Variants in CSMD1 observed in about 807,000 individuals in gnomAD.
CSMD1 encodes the protein CUB and sushi domain-containing protein 1.
In CSMD1, 213 loss-of-function variants were observed where a neutral mutation model predicts 417.5. The ratio of observed to expected loss-of-function variants is 0.51; its 90% CI spans 0.46 to 0.57. CSMD1 has a LOEUF of 0.57. CSMD1 is among the 20% of genes least tolerant of loss of function. CSMD1 has a pLI of 0.00. For synonymous variants in CSMD1, 2,862 were observed against 1,736.8 expected, an observed-to-expected ratio of 1.65 and a Z score of -16.11; for missense variants, 6,923 against 4,529.7, an observed-to-expected ratio of 1.53 and a Z score of -15.17.
intron 1 of CSMD1, among the ~76,000 whole-genome samples, chr8:4,799,981 C>G (rs900192627): frequency 3.3e-5 from 5 of 150,516 alleles, no homozygotes; most frequent in African/African-American, 9.8e-5. Context: ...CTCATTTTTT[C>G]TAACATAAGA....
At chr8:3,846,507 A>G (rs957916291) in intron 5 of CSMD1, among the ~76,000 whole-genome samples, 4 of 152,214 alleles carry the variant, frequency 2.6e-5, no homozygotes, top group African/African-American at 9.6e-5. Flanking sequence ...TAAGCATAGA[A>G]AGTATTTCAC....
At chr8:4,463,776 G>C (rs1185113803) in intron 2 of CSMD1, among the ~76,000 whole-genome samples, 1 of 152,102 alleles carries the variant, frequency 6.6e-6, no homozygotes, top group East Asian at 1.9e-4. Flanking sequence ...GGTACTAATG[G>C]ATACTGGGTT....
intron 1 of CSMD1, among the ~76,000 whole-genome samples, chr8:4,866,947 A>G (rs1802453365): frequency 6.6e-6 from 1 of 152,014 alleles, no homozygotes; most frequent in East Asian, 1.9e-4. Flanking sequence ...TTTTGCACCA[A>G]CCTATATGGA....
intron 10 of CSMD1, among the ~76,000 whole-genome samples, chr8:3,551,928 T>A (rs1335056296): frequency 1.3e-5 from 2 of 152,148 alleles, no homozygotes; most frequent in East Asian, 3.9e-4. Flanking sequence ...CAGACGTGGT[T>A]TTAGCTACTG....
chr8:3,566,243 G>C (rs559696820), intron 10 of CSMD1, among the ~76,000 whole-genome samples: 2 of 152,104 alleles, frequency 1.3e-5, no homozygotes, highest in Non-Finnish European at 2.9e-5. Context: ...AGAAAAAGGA[G>C]GATGAGGAGG....
chr8:3,715,090 G>C (rs980980815), intron 6 of CSMD1, among the ~76,000 whole-genome samples: 6 of 152,066 alleles, frequency 3.9e-5, no homozygotes, highest in African/African-American at 1.4e-4. Context: ...TTCTTCATTA[G>C]ATTTTTTTGT....
chr8:2,953,725 A>C (rs1465334848), intron 65 of CSMD1, among the ~76,000 whole-genome samples: 1 of 152,254 alleles, frequency 6.6e-6, no homozygotes, highest in Non-Finnish European at 1.5e-5. Flanking sequence ...AAGGTGCCAC[A>C]TACAACAAAA....
intron 3 of CSMD1, among the ~76,000 whole-genome samples, chr8:4,058,174 T>C (rs1386868303): frequency 6.6e-6 from 1 of 152,168 alleles, no homozygotes; most frequent in African/African-American, 2.4e-5. Context: ...GAGCATGGAA[T>C]GTTCTTCCAT....
intron 10 of CSMD1, among the ~76,000 whole-genome samples, chr8:3,546,380 C>A (rs542487571): frequency 6.6e-6 from 1 of 151,686 alleles, no homozygotes; most frequent in South Asian, 2.1e-4. Flanking sequence ...ACTAAAAATA[C>A]AAAAAATTAG....
At chr8:4,768,550 T>G (rs1796437602) in intron 1 of CSMD1, among the ~76,000 whole-genome samples, 1 of 152,220 alleles carries the variant, frequency 6.6e-6, no homozygotes, top group South Asian at 2.1e-4. Context: ...TTGAGCCTCT[T>G]CTGTAGAAAA....
At chr8:4,450,410 C>T (rs1200479439) in intron 2 of CSMD1, among the ~76,000 whole-genome samples, 1 of 152,074 alleles carries the variant, frequency 6.6e-6, no homozygotes, top group Non-Finnish European at 1.5e-5. Flanking sequence ...GGCGGATCAG[C>T]AGGTCAAGAA....
At chr8:4,501,538 T>A (rs1279557514) in intron 2 of CSMD1, among the ~76,000 whole-genome samples, 8 of 152,178 alleles carry the variant, frequency 5.3e-5, no homozygotes, top group Non-Finnish European at 1.0e-4. Context: ...TGGTTTCAGT[T>A]ACCTAAGGTC....
intron 3 of CSMD1, among the ~76,000 whole-genome samples, chr8:4,372,449 C>A (rs921761223): frequency 6.6e-6 from 1 of 151,724 alleles, no homozygotes; most frequent in Non-Finnish European, 1.5e-5. Flanking sequence ...AATTAGTGAA[C>A]TCAATTCAAG....
intron 1 of CSMD1, among the ~76,000 whole-genome samples, chr8:4,824,216 T>C (rs1259886772): frequency 6.6e-6 from 1 of 152,114 alleles, no homozygotes; most frequent in Admixed American, 6.6e-5. Flanking sequence ...TAACATGTAA[T>C]GTTATAGATT....
chr8:4,181,793 A>T (rs1345099927), intron 3 of CSMD1, among the ~76,000 whole-genome samples: 2 of 152,216 alleles, frequency 1.3e-5, no homozygotes, highest in Non-Finnish European at 2.9e-5. Context: ...GATTTAGGTG[A>T]CTAATTGACT....
At chr8:3,518,021 G>A (rs73503651) in intron 10 of CSMD1, among the ~76,000 whole-genome samples, 1,633 of 152,082 alleles carry the variant, frequency 0.011, 29 homozygotes, top group African/African-American at 0.037. Context: ...AACAACTCTA[G>A]AAAATTATCT....
At chr8:3,437,479 C>T (rs931750937) in intron 12 of CSMD1, among the ~76,000 whole-genome samples, 19 of 152,224 alleles carry the variant, frequency 1.2e-4, no homozygotes, top group Non-Finnish European at 1.8e-4. Context: ...AATGGGACAG[C>T]GGGAAATAAG....
At chr8:4,134,597 A>G (rs1803306086) in intron 3 of CSMD1, among the ~76,000 whole-genome samples, 1 of 152,208 alleles carries the variant, frequency 6.6e-6, no homozygotes, top group Admixed American at 6.5e-5. Flanking sequence ...ACAACTTCCA[A>G]CAAACACACC....
chr8:3,710,797 G>A (rs1050978066), intron 6 of CSMD1, among the ~76,000 whole-genome samples: 2 of 152,156 alleles, frequency 1.3e-5, no homozygotes, highest in African/African-American at 2.4e-5. Context: ...AGGAAGCAAG[G>A]CTCACAGATG....
Sources: allele counts gnomAD v4.1 joint callset (sites outside exome capture counted in the v4.1 genomes callset), GRCh38; gene constraint gnomAD v4.1.1; transcripts MANE v1.5; gene names NCBI Gene and HGNC (gene_info 2026-07-23, HGNC 2026-07-21).